The following LINGO1 variants were observed in gnomAD, a reference collection of about 807,000 sequenced individuals.
LINGO1 encodes leucine-rich repeat and immunoglobulin-like domain-containing nogo receptor-interacting protein 1.
LINGO1 carries 11 observed loss-of-function variants against 37.3 expected under a neutral mutation model. That is an observed-to-expected ratio of 0.29 (90% confidence interval 0.19 to 0.49). LINGO1 has a LOEUF of 0.49. Ranked by LOEUF, LINGO1 falls within the 20% of genes least tolerant of loss-of-function variation. LINGO1 has a pLI of 0.99. For synonymous variants in LINGO1, 387 were observed against 403.0 expected (o/e 0.96, Z 0.48); for missense variants, 585 against 878.2 (o/e 0.67, Z 4.22).
At chr15:77,792,564 A>T (rs889542321) in intron 2 of LINGO1, among the ~76,000 whole-genome samples, 1 of 152,126 alleles carries the variant, frequency 6.6e-6, no homozygotes, top group African/African-American at 2.4e-5. Context: ...ATGGCCCCTC[A>T]TCCGAGAGGA....
At chr15:77,714,962 A>G (rs915576856) in intron 2 of LINGO1, among the ~76,000 whole-genome samples, 1 of 152,232 alleles carries the variant, frequency 6.6e-6, no homozygotes, top group Non-Finnish European at 1.5e-5. Context: ...ATTATCACCT[A>G]GTCGAGTCAT....
intron 3 of LINGO1, among the ~76,000 whole-genome samples, chr15:77,674,952 T>C (rs576212607): frequency 4.0e-4 from 61 of 152,184 alleles, no homozygotes; most frequent in Admixed American, 3.3e-3. Context: ...AAATACTTCC[T>C]GAATGAGTGG....
intron 1 of LINGO1, among the ~76,000 whole-genome samples, chr15:77,814,635 C>T (rs2077033771): frequency 6.6e-6 from 1 of 152,172 alleles, no homozygotes; most frequent in Non-Finnish European, 1.5e-5. Context: ...ACATCATCCC[C>T]GCATGACACC....
upstream of LINGO1, among the ~76,000 whole-genome samples, chr15:77,634,002 C>T (rs2074342978): frequency 6.6e-6 from 1 of 152,088 alleles, no homozygotes; most frequent in South Asian, 2.1e-4. Flanking sequence ...CATCCCTCCT[C>T]CCCTGCTGGG....
intron 1 of LINGO1, among the ~76,000 whole-genome samples, chr15:77,735,339 A>G (rs1055917343): frequency 6.6e-6 from 1 of 152,224 alleles, no homozygotes; most frequent in Non-Finnish European, 1.5e-5. Flanking sequence ...CATACAAACT[A>G]GACTTGCAGC....
chr15:77,710,390 G>T (rs1197190275), intron 2 of LINGO1, among the ~76,000 whole-genome samples: 1 of 152,220 alleles, frequency 6.6e-6, no homozygotes, highest in Non-Finnish European at 1.5e-5. Flanking sequence ...TGTCCAGCAG[G>T]AACAATGGGC....
In LINGO1 at chr15:77,613,950, G is replaced by C. The variant is rs2073592634; in HGVS notation, c.*94C>G. 9.9e-6 allele frequency: 10 copies of C among 1,011,036 alleles called. No individual in the cohort carries two copies. The highest frequency in any genetic ancestry group is 1.3e-5 in the Non-Finnish European group (9 of 696,960). The allele number at this position is 1,011,036 out of a possible 1,614,324, so 62.6% of individuals were successfully genotyped here. A position where few individuals can be genotyped will look rare whatever the true frequency, so the allele number is the denominator to read the frequency against. On this transcript the variant is annotated 3_prime_UTR_variant, in exon 2 of 2. Transcript: ENST00000355300. ...GAAAGAGAACGTGTGTAGAAGGGTAGGGAGGAGGTGGGAAGGACTGGAGAG... is the reference window on the plus strand; with the variant it reads ...GAAAGAGAACGTGTGTAGAAGGGTACGGAGGAGGTGGGAAGGACTGGAGAG...
chr15:77,658,505 C>T (rs1555526576), intron 3 of LINGO1, among the ~76,000 whole-genome samples: 1 of 152,218 alleles, frequency 6.6e-6, no homozygotes, highest in Non-Finnish European at 1.5e-5. Flanking sequence ...GGCTTGTTCT[C>T]CAGCAGCTCA....
At chr15:77,803,897 A>G (rs2076938923) in intron 1 of LINGO1, among the ~76,000 whole-genome samples, 1 of 152,206 alleles carries the variant, frequency 6.6e-6, no homozygotes, top group Non-Finnish European at 1.5e-5. Flanking sequence ...GAATTTCTTT[A>G]TAGCAACACA....
chr15:77,817,858 G>A (rs1427245657), intron 1 of LINGO1, among the ~76,000 whole-genome samples: 3 of 152,152 alleles, frequency 2.0e-5, no homozygotes, highest in Non-Finnish European at 4.4e-5. Context: ...CTTGCCCACC[G>A]GTCCTGCATT....
At chr15:77,799,567 G>A (rs1374261232) in intron 1 of LINGO1, among the ~76,000 whole-genome samples, 1 of 152,136 alleles carries the variant, frequency 6.6e-6, no homozygotes, top group Non-Finnish European at 1.5e-5. Context: ...GTGGGCCCCA[G>A]ACTTGCCTCC....
At chr15:77,636,666 A>G (rs1490938353), upstream of LINGO1, among the ~76,000 whole-genome samples, 2 of 152,102 alleles carry the variant, frequency 1.3e-5, no homozygotes, top group Non-Finnish European at 2.9e-5. Context: ...AAGTTTCCCC[A>G]GCTATGCAAT....
chr15:77,646,367 C>T (rs190953580), intron 3 of LINGO1: 1 of 435,904 alleles, frequency 2.3e-6, no homozygotes, highest in East Asian at 7.3e-5. Context: ...ACATTGGCAC[C>T]CTCTGGTCTT....
intron 2 of LINGO1, among the ~76,000 whole-genome samples, chr15:77,729,193 T>C (rs1417581919): frequency 6.6e-6 from 1 of 152,136 alleles, no homozygotes; most frequent in African/African-American, 2.4e-5. Flanking sequence ...AGTGGGGAGA[T>C]GATGGAGGCA....
At chr15:77,767,676 T>C (rs1299556691) in intron 1 of LINGO1, among the ~76,000 whole-genome samples, 1 of 152,190 alleles carries the variant, frequency 6.6e-6, no homozygotes, top group African/African-American at 2.4e-5. Context: ...TCATGTATTA[T>C]GTTGAGAGGA....
intron 1 of LINGO1, among the ~76,000 whole-genome samples, chr15:77,781,168 T>C (rs888168563): frequency 2.0e-5 from 3 of 152,204 alleles, no homozygotes; most frequent in African/African-American, 7.2e-5. Context: ...TGATGGAACT[T>C]TTCATCTTGC....
chr15:77,788,437 G>C (rs2076792662), upstream of LINGO1: 1 of 152,210 alleles, frequency 6.6e-6, no homozygotes, highest in African/African-American at 2.4e-5. Flanking sequence ...AGGCCTTAGG[G>C]AAATTGTCTA....
In LINGO1 at chr15:77,744,391, T is replaced by C. The variant is rs562198127; in HGVS notation, c.-256-9338A>G. On this transcript the variant is annotated intron_variant, in intron 1 of 3. Coordinates refer to the LINGO1 transcript ENST00000561686. The stretch of plus-strand genomic sequence containing the variant: ...TCTACTAAAAATACAAAAAACTAGC[T>C]GGTGTGGCAGTGCTCATCTGTAATC... Among the ~76,000 whole-genome samples the C allele has an allele frequency of 3.3e-5, 5 of 152,104 alleles. No homozygotes were observed. The East Asian group carries it at 9.7e-4, about 29-fold the overall frequency.
chr15:77,806,908 C>T (rs181973114), intron 1 of LINGO1, among the ~76,000 whole-genome samples: 49 of 152,248 alleles, frequency 3.2e-4, no homozygotes, highest in African/African-American at 1.1e-3. Context: ...ATCTTCCCTG[C>T]ATGAGTGTCC....
Sources: gnomAD v4.1 joint callset for allele counts (sites outside exome capture counted in the v4.1 genomes callset) on GRCh38, gnomAD v4.1.1 for gene constraint, MANE v1.5 for transcripts, NCBI Gene and HGNC (gene_info 2026-07-23, HGNC 2026-07-21) for gene names.